Variants in PTPRM observed in about 807,000 individuals in gnomAD.
The protein encoded by PTPRM is protein tyrosine phosphatase receptor type M, also known as receptor-type tyrosine-protein phosphatase mu.
PTPRM carries 47 observed loss-of-function variants against 186.7 expected under a neutral mutation model. The observed-to-expected ratio is 0.25, with a 90% CI of 0.20 to 0.32. The LOEUF (loss-of-function observed/expected upper bound fraction) is 0.32, where lower values mean the gene tolerates loss of function less well. Among genes scored for constraint, PTPRM ranks in the 10% least tolerant of loss-of-function variants. PTPRM has a pLI of 1.00. For missense variants in PTPRM, 1,494 were observed against 1,865.0 expected, an observed-to-expected ratio of 0.80 and a Z score of 3.66; for synonymous variants, 668 against 674.9, an observed-to-expected ratio of 0.99 and a Z score of 0.16.
At chr18:8,328,985 G>T (rs2095395423) in intron 22 of PTPRM, among the ~76,000 whole-genome samples, 1 of 152,184 alleles carries the variant, frequency 6.6e-6, no homozygotes, top group South Asian at 2.1e-4. Flanking sequence ...AAAAAATAGA[G>T]CATGTCAGGT....
chr18:8,203,598 G>A (rs569574194), intron 14 of PTPRM, among the ~76,000 whole-genome samples: 4 of 152,270 alleles, frequency 2.6e-5, no homozygotes, highest in Admixed American at 1.3e-4. Flanking sequence ...CTTGAGAGTA[G>A]TAATACTGCA....
rs377537950 is a variant in PTPRM at position 7,920,096 on chromosome 18, G to T, written c.548-6472G>T. On this transcript the variant is annotated intron_variant, in intron 4 of 32. Coordinates refer to ENST00000580170, the MANE Select transcript of PTPRM (RefSeq NM_001105244.2). ...ATGTGAGTGCCTTTATAGTTGAGGT[G>T]GATTTCTTGTAGGAAGAATTTAATT... Among the ~76,000 whole-genome samples the T allele has an allele frequency of 8.6e-5, 13 of 151,856 alleles. No individual in the cohort carries two copies. The East Asian group carries it at 2.5e-3, about 29-fold the overall frequency.
chr18:8,026,279 A>G (rs778316689), intron 7 of PTPRM, among the ~76,000 whole-genome samples: 2 of 152,338 alleles, frequency 1.3e-5, no homozygotes, highest in East Asian at 3.9e-4. Flanking sequence ...AGCAGGTGGT[A>G]TCAAACACCA....
rs148497392 is a variant in PTPRM at position 8,100,191 on chromosome 18, G to A, written c.1856+11340G>A. 2.0e-3 allele frequency among the ~76,000 whole-genome samples: 298 copies of A among 152,030 alleles called. 1 individual carries two copies. Among genetic ancestry groups the A allele is most frequent in the African/African-American group, 6.9e-3 (284 of 41,456 alleles). On this transcript the variant is annotated intron_variant, in intron 11 of 32. Transcript: ENST00000580170. Reference sequence around the variant, plus strand: ...TCTTACTCTGTCACCCAGGCTGGAGGGCAGTGGCGTGATCTCGGCTCACTG... The same window carrying A: ...TCTTACTCTGTCACCCAGGCTGGAGAGCAGTGGCGTGATCTCGGCTCACTG...
rs113885501 is a variant in PTPRM, at chr18:8,108,351, G to A, written c.1857-5135G>A. Among the ~76,000 whole-genome samples, 686 of 152,054 alleles carry A rather than the reference G, an allele frequency of 4.5e-3. 6 individuals carry two copies. The highest frequency in any genetic ancestry group is 0.016 in the African/African-American group (659 of 41,502). On this transcript the variant is annotated intron_variant, in intron 11 of 32. Transcript: ENST00000580170. ...GATTAGCAAAAACAACAATGAAAGCGTTACAACTTTTCTCCTTCTCTGTTC... is the reference window on the plus strand; with the variant it reads ...GATTAGCAAAAACAACAATGAAAGCATTACAACTTTTCTCCTTCTCTGTTC...
At chr18:7,575,748 G>C (rs1005058649) in intron 1 of PTPRM, among the ~76,000 whole-genome samples, 1 of 152,158 alleles carries the variant, frequency 6.6e-6, no homozygotes, top group Non-Finnish European at 1.5e-5. Context: ...GACATGGCTT[G>C]TCTGTACTTT....
chr18:7,871,589 A>G (rs16952598), intron 2 of PTPRM, among the ~76,000 whole-genome samples: 3,362 of 152,328 alleles, frequency 0.022, 113 homozygotes, highest in African/African-American at 0.077. Flanking sequence ...TGTGGAATGA[A>G]CAAATGTTGA....
At chr18:8,385,954 T>C (rs1303124655) in intron 30 of PTPRM, among the ~76,000 whole-genome samples, 1 of 151,958 alleles carries the variant, frequency 6.6e-6, no homozygotes, top group African/African-American at 2.4e-5. Flanking sequence ...TTCTGATATT[T>C]TCTGAAGGAA....
chr18:7,655,413 G>A (rs571699872), intron 1 of PTPRM, among the ~76,000 whole-genome samples: 2 of 152,306 alleles, frequency 1.3e-5, no homozygotes, highest in East Asian at 1.9e-4. Flanking sequence ...CCAAATGCTG[G>A]CAAGGATGTG....
At chr18:8,170,711 G>A (rs1044694737) in intron 14 of PTPRM, among the ~76,000 whole-genome samples, 1 of 152,186 alleles carries the variant, frequency 6.6e-6, no homozygotes, top group Non-Finnish European at 1.5e-5. Context: ...CTCTGAGCCA[G>A]TCCAGGCACT....
At chr18:8,379,441 T>G in intron 28 of PTPRM, 101 bp downstream of exon 28, 1 of 1,240,246 alleles carries the variant, frequency 8.1e-7, no homozygotes, top group East Asian at 2.8e-5. Flanking sequence ...CCCTTTTGTT[T>G]TTTAAGACAC....
At chr18:7,743,362 T>C (rs751580376) in intron 1 of PTPRM, among the ~76,000 whole-genome samples, 2 of 152,242 alleles carry the variant, frequency 1.3e-5, no homozygotes, top group African/African-American at 2.4e-5. Flanking sequence ...CTTATACTTA[T>C]TCCACTGCAT....
At chr18:8,214,726 C>T (rs1236011609) in intron 14 of PTPRM, among the ~76,000 whole-genome samples, 4 of 152,110 alleles carry the variant, frequency 2.6e-5, no homozygotes. Context: ...TGCAATGGCG[C>T]AATCTCGGTC....
intron 14 of PTPRM, among the ~76,000 whole-genome samples, chr18:8,228,677 TA>T (rs55669801): frequency 0.18 from 24,140 of 130,512 alleles, 2,091 homozygotes; most frequent in Non-Finnish European, 0.2. Flanking sequence ...CAAACTCTAC[TA>T]AAAAAAAAAA....
chr18:8,087,884 A>G (rs1263319626), intron 10 of PTPRM, among the ~76,000 whole-genome samples: 1 of 152,102 alleles, frequency 6.6e-6, no homozygotes, highest in Non-Finnish European at 1.5e-5. Flanking sequence ...ATGCCCTCCC[A>G]CATCACAGCT....
At chr18:7,645,999 A>G (rs2038552358) in intron 1 of PTPRM, among the ~76,000 whole-genome samples, 1 of 152,104 alleles carries the variant, frequency 6.6e-6, no homozygotes, top group South Asian at 2.1e-4. Context: ...TGTGCCCACA[A>G]CCTTTAGCCA....
rs139297696 is a variant in PTPRM, at chr18:7,846,695, G to C, written c.197-41411G>C. Among the ~76,000 whole-genome samples the C allele has an allele frequency of 1.5e-4, 23 of 152,324 alleles. No homozygotes were observed. The East Asian group carries it at 2.1e-3, about 14-fold the overall frequency. On this transcript the variant is annotated intron_variant, in intron 2 of 32. Transcript: ENST00000580170. ...TTGCCTAGGGAAGCGCACAGCCCTG[G>C]AGGGCACTCACTAAATGCTTAGTGA...
At chr18:8,083,170 A>G (rs1025157998) in intron 9 of PTPRM, among the ~76,000 whole-genome samples, 1 of 151,902 alleles carries the variant, frequency 6.6e-6, no homozygotes, top group Non-Finnish European at 1.5e-5. Context: ...AATCAAATCA[A>G]CCTTCCACCT....
At chr18:8,160,594 C>T (rs2093211935) in intron 14 of PTPRM, among the ~76,000 whole-genome samples, 1 of 152,148 alleles carries the variant, frequency 6.6e-6, no homozygotes, top group Admixed American at 6.6e-5. Flanking sequence ...CTATGCCTAG[C>T]CAGGATGAAT....
Sources: gnomAD v4.1 joint callset for allele counts (sites outside exome capture counted in the v4.1 genomes callset) on GRCh38, gnomAD v4.1.1 for gene constraint, MANE v1.5 for transcripts, NCBI Gene and HGNC (gene_info 2026-07-23, HGNC 2026-07-21) for gene names.